The following ZNF608 variants were observed in gnomAD, a reference collection of about 807,000 sequenced individuals.
ZNF608 encodes the protein renal carcinoma antigen NY-REN-36.
Under a neutral mutation model 109.0 loss-of-function variants are expected in ZNF608, and 12 were observed. The observed-to-expected ratio is 0.11, with a 90% confidence interval of 0.07 to 0.18. The LOEUF (loss-of-function observed/expected upper bound fraction) is 0.18, where lower values mean the gene tolerates loss of function less well. Among genes scored for constraint, ZNF608 ranks in the 10% least tolerant of loss-of-function variants. The probability of loss-of-function intolerance (pLI) is 1.00; values close to 1 mark genes in which losing one functional copy is unlikely to be tolerated. For missense variants in ZNF608, 1,707 were observed against 1,879.3 expected, an observed-to-expected ratio of 0.91 and a Z score of 1.70; for synonymous variants, 732 against 717.4, an observed-to-expected ratio of 1.02 and a Z score of -0.33.
At chr5:124,655,534 A>G (rs921896737) in intron 3 of ZNF608, among the ~76,000 whole-genome samples, 6 of 152,218 alleles carry the variant, frequency 3.9e-5, no homozygotes, top group African/African-American at 1.4e-4. Flanking sequence ...CATTCATGCC[A>G]TATGCCTTTA....
intron 3 of ZNF608, among the ~76,000 whole-genome samples, chr5:124,690,222 G>A (rs568318523): frequency 6.6e-6 from 1 of 152,330 alleles, no homozygotes; most frequent in Admixed American, 6.5e-5. Context: ...TAGGGATGGG[G>A]GAAGGAGAGA....
intron 2 of ZNF608, among the ~76,000 whole-genome samples, chr5:124,730,291 GT>G (rs1342557845): frequency 6.6e-6 from 1 of 152,194 alleles, no homozygotes; most frequent in East Asian, 1.9e-4. Flanking sequence ...CCTCTTCAGA[GT>G]TTACTTTAAG....
intron 2 of ZNF608, among the ~76,000 whole-genome samples, chr5:124,729,763 C>A (rs997805685): frequency 6.6e-6 from 1 of 152,130 alleles, no homozygotes; most frequent in Non-Finnish European, 1.5e-5. Context: ...CCAAAGGGTA[C>A]TTTGAAATCT....
At chr5:124,644,713 T>G in intron 5 of ZNF608, 52 bp from the exon 6 acceptor site, 1 of 1,470,326 alleles carries the variant, frequency 6.8e-7, no homozygotes, top group Non-Finnish European at 9.1e-7. Flanking sequence ...TTTTAAAATT[T>G]CAATTTTAAA....
At chr5:124,712,349 C>G (rs554404946) in intron 2 of ZNF608, among the ~76,000 whole-genome samples, 1 of 152,042 alleles carries the variant, frequency 6.6e-6, no homozygotes, top group African/African-American at 2.4e-5. Context: ...TGTTGGGCAA[C>G]GTCTATCAGG....
At chr5:124,711,518 G>C (rs1174156447) in intron 2 of ZNF608, among the ~76,000 whole-genome samples, 1 of 152,208 alleles carries the variant, frequency 6.6e-6, no homozygotes, top group Non-Finnish European at 1.5e-5. Context: ...AAATCCACAA[G>C]TGAGTCCAAG....
In ZNF608 at chr5:124,647,220, T is replaced by C. The variant is rs767532872; in HGVS notation, c.3164A>G (p.Asn1055Ser). The C allele has an allele frequency of 4.3e-6, 7 of 1,614,096 alleles. No individual in the cohort carries two copies. In the South Asian group the frequency reaches 4.4e-5, roughly 10 times the overall value. The change falls in exon 5 of 10, where the codon AAT becomes AGT. Residue 1055 changes from asparagine to serine, a missense_variant. This residue lies in a region of ZNF608 where 1,073 missense variants were observed against 1,133.5 expected (regional missense o/e 0.95). Transcript: ENST00000513986. Reference sequence around the variant, plus strand: ...GTGCTGAGGCTGTAAGGATGCAGAATTGTGGTCCACTTTCTTAGAATCTAA... The same window carrying C: ...GTGCTGAGGCTGTAAGGATGCAGAACTGTGGTCCACTTTCTTAGAATCTAA... Reference protein sequence around the residue: ...EQLDSKKVDHNSASLQPQHQS... With the variant: ...EQLDSKKVDHSSASLQPQHQS...
At position 124,684,637 on chromosome 5, in the gene ZNF608, T is replaced by C. The variant is rs531742312; in HGVS notation, c.1162+16377A>G. 2.0e-5 allele frequency among the ~76,000 whole-genome samples: 3 copies of C among 152,306 alleles called. No individual in the cohort carries two copies. In the East Asian group the frequency reaches 5.8e-4, roughly 29 times the overall value. On this transcript the variant is annotated intron_variant, in intron 3 of 9. Transcript: ENST00000513986. ...AAGAACTTCGTTAGGTCATCATATG[T>C]ACATATATTTTTATAACAAATGGGC...
At chr5:124,741,391 C>A (rs1283158304) in intron 2 of ZNF608, among the ~76,000 whole-genome samples, 2 of 97,028 alleles carry the variant, frequency 2.1e-5, no homozygotes, top group Non-Finnish European at 4.2e-5. Flanking sequence ...AACCTTCCAA[C>A]CAGAAAAAAA....
chr5:124,718,168 T>C (rs1282542032), intron 2 of ZNF608, among the ~76,000 whole-genome samples: 1 of 152,150 alleles, frequency 6.6e-6, no homozygotes, highest in Non-Finnish European at 1.5e-5. Context: ...TTGGAGTAGG[T>C]AGCAAAAGCA....
chr5:124,701,008 A>G lies in ZNF608; in HGVS notation c.1162+6T>C, dbSNP rs752277726. Reference sequence around the variant, plus strand: ...CGGGAAATATATAAAAATAAATTGTATTTACCTTCTTCTGTTTCATGCCAC... The same window carrying G: ...CGGGAAATATATAAAAATAAATTGTGTTTACCTTCTTCTGTTTCATGCCAC... On this transcript the variant is annotated splice_donor_region_variant and intron_variant, in intron 3 of 9. Transcript: ENST00000513986. The G allele has an allele frequency of 1.9e-6, 3 of 1,613,772 alleles. No homozygotes were observed. The highest frequency in any genetic ancestry group is 2.2e-5 in the South Asian group (2 of 91,068).
chr5:124,737,438 G>T (rs1025762140), intron 2 of ZNF608, among the ~76,000 whole-genome samples: 4 of 152,194 alleles, frequency 2.6e-5, no homozygotes, highest in African/African-American at 9.6e-5. Context: ...AAAATCCACA[G>T]AAGTATTTGT....
At chr5:124,696,467 A>G (rs965667577) in intron 3 of ZNF608, among the ~76,000 whole-genome samples, 1 of 152,188 alleles carries the variant, frequency 6.6e-6, no homozygotes, top group Non-Finnish European at 1.5e-5. Flanking sequence ...AACTTTCCTT[A>G]ATACTATGGG....
In ZNF608 at chr5:124,647,456, T is replaced by C; in HGVS notation, c.2928A>G (p.Val976=). 6.2e-7 allele frequency: 1 copy of C among 1,614,222 alleles called. No individual in the cohort carries two copies. The highest frequency in any genetic ancestry group is 8.5e-7 in the Non-Finnish European group (1 of 1,180,040). Residue 976 remains valine, a synonymous_variant, in exon 5 of 10, where the codon GTA becomes GTG. Coordinates refer to ENST00000513986, the MANE Select transcript of ZNF608 (RefSeq NM_020747.3). The part of the protein sequence containing the change: ...SDIISSKDSV[V]KGHSSTTAQS... ...GTGCTGTAGTTGAAGAATGCCCTTT[T>C]ACAACACTGTCCTTACTAGAAATAA...
Position 124,649,121 on chromosome 5 carries a change from T to G in ZNF608, c.1263A>C (p.Ser421=), listed in dbSNP as rs779831049. Residue 421 remains serine (S), a synonymous_variant, in exon 5 of 10, where the codon TCA becomes TCC. Coordinates refer to ENST00000513986, the MANE Select transcript of ZNF608 (RefSeq NM_020747.3). The part of the protein sequence containing the change: ...HDWAPPRFCE[S]PTSDLEMRGG... ...CTCTCATCTCCAGGTCACTTGTCGG[T>G]GACTCACAAAACCTATGGAAGCAAG... 1 of 1,563,844 alleles carries G rather than the reference T, an allele frequency of 6.4e-7. No individual in the cohort carries two copies. Among genetic ancestry groups the G allele is most frequent in the Non-Finnish European group, 8.6e-7 (1 of 1,160,744 alleles).
chr5:124,637,475 C>A lies in ZNF608; in HGVS notation c.*425G>T, dbSNP rs1463313968. On this transcript the variant is annotated 3_prime_UTR_variant, in exon 10 of 10. Coordinates refer to ENST00000513986, the MANE Select transcript of ZNF608 (RefSeq NM_020747.3). ...GAAGGATATGCAAGGTTCAGGCACACTGATACATAACATTATTTATTTACA... is the reference window on the plus strand; with the variant it reads ...GAAGGATATGCAAGGTTCAGGCACAATGATACATAACATTATTTATTTACA... The A allele has an allele frequency of 6.6e-6, 1 of 152,656 alleles. No homozygotes were observed. The highest frequency in any genetic ancestry group is 2.1e-4 in the South Asian group (1 of 4,824). The allele number at this position is 152,656 out of a possible 1,614,324, so 9.5% of individuals were successfully genotyped here. A position where few individuals can be genotyped will look rare whatever the true frequency, so the allele number is the denominator to read the frequency against.
At chr5:124,680,350 A>T (rs11957194) in intron 3 of ZNF608, among the ~76,000 whole-genome samples, 1,836 of 73,942 alleles carry the variant, frequency 0.025, 34 homozygotes, top group African/African-American at 0.12. Context: ...TTATGGCCAC[A>T]AAAAAAAAAA....
intron 2 of ZNF608, among the ~76,000 whole-genome samples, chr5:124,723,876 G>A (rs1754034767): frequency 6.6e-6 from 1 of 151,862 alleles, no homozygotes; most frequent in African/African-American, 2.4e-5. Context: ...TTTAAAATAA[G>A]AAATGGCCAA....
chr5:124,692,624 A>G (rs978204695), intron 3 of ZNF608, among the ~76,000 whole-genome samples: 2 of 152,228 alleles, frequency 1.3e-5, no homozygotes, highest in African/African-American at 4.8e-5. Flanking sequence ...TAAAATAGAC[A>G]GGAACTTTTG....
Sources: gnomAD v4.1 joint callset for allele counts (sites outside exome capture counted in the v4.1 genomes callset) on GRCh38, gnomAD v4.1.1 for gene constraint, gnomAD v4.1.1 regional missense constraint, MANE v1.5 for transcripts, NCBI Gene and HGNC (gene_info 2026-07-23, HGNC 2026-07-21) for gene names.